The following TPTE2 variants were observed in gnomAD, a reference collection of about 807,000 sequenced individuals.
The protein encoded by TPTE2 is phosphatidylinositol 3,4,5-trisphosphate 3-phosphatase TPTE2.
A neutral mutation model predicts 78.6 loss-of-function variants in TPTE2; 53 were observed. The ratio of observed to expected loss-of-function variants is 0.67; its 90% confidence interval spans 0.54 to 0.85. TPTE2 has a LOEUF of 0.85. Ranked by LOEUF, TPTE2 falls within the 40% of genes least tolerant of loss-of-function variation. The pLI, the probability that TPTE2 is intolerant of heterozygous loss-of-function variation, is 0.00. For missense variants in TPTE2, 461 were observed against 623.0 expected, an observed-to-expected ratio of 0.74 and a Z score of 2.77; for synonymous variants, 175 against 206.2, an observed-to-expected ratio of 0.85 and a Z score of 1.30.
intron 4 of TPTE2, among the ~76,000 whole-genome samples, chr13:19,477,893 G>A (rs558664481): frequency 2.0e-5 from 3 of 152,226 alleles, no homozygotes; most frequent in South Asian, 2.1e-4. Context: ...GTTCACACTC[G>A]GGAGCAACAG....
chr13:19,506,288 C>T (rs1412782757), upstream of TPTE2, among the ~76,000 whole-genome samples: 1 of 142,656 alleles, frequency 7.0e-6, no homozygotes, highest in East Asian at 2.2e-4. Flanking sequence ...TCTCCTGCCT[C>T]AGCCTCCCAA....
At chr13:19,433,235 G>A (rs1281343312) in intron 15 of TPTE2, among the ~76,000 whole-genome samples, 1 of 152,088 alleles carries the variant, frequency 6.6e-6, no homozygotes, top group East Asian at 1.9e-4. Flanking sequence ...CCATCATGGT[G>A]GCTCCCGCCT....
At chr13:19,455,467 G>C (rs1204985445) in intron 10 of TPTE2, among the ~76,000 whole-genome samples, 1 of 152,150 alleles carries the variant, frequency 6.6e-6, no homozygotes, top group Non-Finnish European at 1.5e-5. Flanking sequence ...AAAAGCATTT[G>C]TAAGATTCCA....
chr13:19,471,315 T>C (rs1314657805), intron 6 of TPTE2, among the ~76,000 whole-genome samples: 2 of 152,208 alleles, frequency 1.3e-5, no homozygotes, highest in African/African-American at 4.8e-5. Flanking sequence ...CCTGCTATTT[T>C]GTTATTTGTT....
chr13:19,541,176 G>A (rs974975532), upstream of TPTE2, among the ~76,000 whole-genome samples: 1 of 152,182 alleles, frequency 6.6e-6, no homozygotes, highest in African/African-American at 2.4e-5. Context: ...AAGGTTTCTT[G>A]CCAGGTGGCT....
At chr13:19,501,613 A>G (rs140053802) in intron 1 of TPTE2, among the ~76,000 whole-genome samples, 3,743 of 152,180 alleles carry the variant, frequency 0.025, 65 homozygotes, top group Middle Eastern at 0.051. Context: ...AGAAAGCAGA[A>G]ACTGGATCCC....
intron 19 of TPTE2, among the ~76,000 whole-genome samples, chr13:19,423,569 T>C (rs1875768037): frequency 1.3e-5 from 2 of 152,184 alleles, no homozygotes. Flanking sequence ...GAAATGACCT[T>C]GAGCAGTAGG....
At chr13:19,479,340 C>T (rs559251119) in intron 4 of TPTE2, among the ~76,000 whole-genome samples, 1 of 151,902 alleles carries the variant, frequency 6.6e-6, no homozygotes, top group South Asian at 2.1e-4. Context: ...AGGTACATCT[C>T]GATATTGATG....
In TPTE2 at chr13:19,430,553, C is replaced by T; in HGVS notation, c.1223-6G>A. On this transcript the variant is annotated splice_polypyrimidine_tract_variant and splice_region_variant and intron_variant, in intron 16 of 19. Transcript: ENST00000400230. Reference sequence around the variant, plus strand: ...TTTTAGATCACATACATCACCTGTTCCAACAAAATGAAATTAAAAAGTTAG... The same window carrying T: ...TTTTAGATCACATACATCACCTGTTTCAACAAAATGAAATTAAAAAGTTAG... 1 of 1,602,958 alleles carries T rather than the reference C, an allele frequency of 6.2e-7. No individual in the cohort carries two copies. The highest frequency in any genetic ancestry group is 8.5e-7 in the Non-Finnish European group (1 of 1,175,210).
In TPTE2 at chr13:19,422,963, A is replaced by G. The variant is rs182377143; in HGVS notation, c.*99T>C. The G allele has an allele frequency of 1.3e-3, 1,961 of 1,461,872 alleles. 2 individuals are homozygous for G. Among genetic ancestry groups the G allele is most frequent in the Non-Finnish European group, 1.7e-3 (1,807 of 1,069,436 alleles). 90.6% of individuals were successfully genotyped at this position (1,461,872 alleles called of 1,614,324 possible). ...TGCATCATCAAGGAAGACTTAGGAC[A>G]CATGAACATGTGGCAGGGGTTGGAA... On this transcript the variant is annotated 3_prime_UTR_variant, in exon 20 of 20. Transcript: ENST00000400230.
the TPTE2 span, among the ~76,000 whole-genome samples, chr13:19,544,944 AC>A: frequency 1.6e-5 from 2 of 123,288 alleles, no homozygotes; most frequent in Non-Finnish European, 3.3e-5. Context: ...TCACACACAC[AC>A]ACACACACAC....
the TPTE2 span, among the ~76,000 whole-genome samples, chr13:19,553,456 A>T: frequency 6.6e-6 from 1 of 152,260 alleles, no homozygotes; most frequent in South Asian, 2.1e-4. Flanking sequence ...CACCCAAGAG[A>T]TAATACATGT....
chr13:19,487,380 C>T (rs983667842), intron 3 of TPTE2, among the ~76,000 whole-genome samples: 9 of 152,106 alleles, frequency 5.9e-5, no homozygotes, highest in Middle Eastern at 3.4e-3. Context: ...AGGCCAGGAG[C>T]ATGTCTGTGG....
chr13:19,430,310 T>A (rs1452533764), intron 17 of TPTE2, among the ~76,000 whole-genome samples, 158 bp downstream of exon 20: 2 of 152,210 alleles, frequency 1.3e-5, no homozygotes, highest in Non-Finnish European at 2.9e-5. Flanking sequence ...TATCTCTGGT[T>A]TGCATCCAAA....
intron 4 of TPTE2, 24 bp downstream of exon 7, chr13:19,482,464 C>T (rs1193488324): frequency 6.2e-7 from 1 of 1,610,054 alleles, no homozygotes; most frequent in Non-Finnish European, 8.5e-7. Context: ...TGGCTCCCTC[C>T]TTTCAAACTT....
At chr13:19,465,638 G>A in intron 7 of TPTE2, 74 bp from the exon 11 acceptor site, 1 of 1,293,492 alleles carries the variant, frequency 7.7e-7, no homozygotes, top group Non-Finnish European at 1.1e-6. Flanking sequence ...GTCTAGAGCA[G>A]CAGTTGTTAA....
In TPTE2 at chr13:19,467,440, A is replaced by C. The variant is rs7490269; in HGVS notation, c.393-96T>G. On this transcript the variant is annotated intron_variant, in intron 6 of 19. Transcript: ENST00000400230. Reference sequence around the variant, plus strand: ...ACAAACTACTGACTCATCCCCATTAAGAATTCTACTATCATGAATTATTTA... The same window carrying C: ...ACAAACTACTGACTCATCCCCATTACGAATTCTACTATCATGAATTATTTA... 1.8e-3 allele frequency: 1,646 copies of C among 916,496 alleles called. 5 individuals are homozygous for C. Among genetic ancestry groups the C allele is most frequent in the Non-Finnish European group, 1.9e-3 (1,250 of 657,334 alleles). 56.8% of individuals were successfully genotyped at this position (916,496 alleles called of 1,614,324 possible). A position where few individuals can be genotyped will look rare whatever the true frequency, so the allele number is the denominator to read the frequency against.
intron 7 of TPTE2, among the ~76,000 whole-genome samples, chr13:19,466,835 G>GT (rs35452433): frequency 2.0e-5 from 3 of 152,140 alleles, no homozygotes; most frequent in Admixed American, 2.0e-4. Flanking sequence ...TTCAATATAA[G>GT]TTTTTTTGAT....
intron 1 of TPTE2, among the ~76,000 whole-genome samples, chr13:19,501,608 G>A (rs1375300842): frequency 6.6e-6 from 1 of 152,036 alleles, no homozygotes; most frequent in Non-Finnish European, 1.5e-5. Flanking sequence ...TAAGTAGAAA[G>A]CAGAAACTGG....
Sources: allele counts gnomAD v4.1 joint callset (sites outside exome capture counted in the v4.1 genomes callset), GRCh38; gene constraint gnomAD v4.1.1; transcripts MANE v1.5; gene names NCBI Gene and HGNC (gene_info 2026-07-23, HGNC 2026-07-21).